Variants in MYO7B observed in about 807,000 individuals in gnomAD.
MYO7B encodes the protein myosin VIIB, also known as unconventional myosin-VIIb.
In MYO7B, 212 loss-of-function variants were observed where a neutral mutation model predicts 259.7. The observed-to-expected ratio is 0.82, with a 90% CI of 0.73 to 0.91. MYO7B has a LOEUF of 0.91. Ranked by LOEUF, MYO7B falls within the 40% of genes least tolerant of loss-of-function variation. MYO7B has a pLI of 0.00. For synonymous variants in MYO7B, 1,197 were observed against 1,166.4 expected, an observed-to-expected ratio of 1.03 and a Z score of -0.54; for missense variants, 2,732 against 2,813.5, an observed-to-expected ratio of 0.97 and a Z score of 0.66.
chr2:127,588,354 C>T, intron 14 of MYO7B, 38 bp from the exon 15 acceptor site: 1 of 1,605,692 alleles, frequency 6.2e-7, no homozygotes, highest in South Asian at 1.1e-5. Context: ...GCAGTGATGG[C>T]TAAGCTGGGA....
Position 127,636,163 on chromosome 2 carries a change from G to T in MYO7B, c.6007-45G>T. ...GTGCTGCCCCCACCAGGGCTTTGGA[G>T]GGCCTCTGGGCACCCAAGTCCTTAC... On this transcript the variant is annotated intron_variant, in intron 44 of 47. Coordinates refer to ENST00000409816, the MANE Select transcript of MYO7B (RefSeq NM_001393586.1). This position sits in a 1 kb window ranked among gnomAD's most constrained non-coding sequence, Gnocchi z 4.5. The T allele has an allele frequency of 6.6e-7, 1 of 1,507,510 alleles. No individual in the cohort carries two copies. The highest frequency in any genetic ancestry group is 9.2e-7 in the Non-Finnish European group (1 of 1,090,204). The allele number at this position is 1,507,510 out of a possible 1,614,324, so 93.4% of individuals were successfully genotyped here.
intron 30 of MYO7B, 44 bp downstream of exon 30, chr2:127,624,364 G>A: frequency 6.6e-7 from 1 of 1,523,746 alleles, no homozygotes. Context: ...TTTGCCATCA[G>A]GAAACATCCC....
chr2:127,627,450 G>T lies in MYO7B; in HGVS notation c.4460+140G>T. The T allele has an allele frequency of 8.5e-7, 1 of 1,180,066 alleles. No individual in the cohort carries two copies. Among genetic ancestry groups the T allele is most frequent in the Non-Finnish European group, 1.2e-6 (1 of 826,458 alleles). The allele number at this position is 1,180,066 out of a possible 1,614,324, so 73.1% of individuals were successfully genotyped here. ...TGGAGGGACAAGAATCTACGTATGC[G>T]ATGGCTTCTGTACTTCGGAGCCCCA... On this transcript the variant is annotated intron_variant, in intron 33 of 47. Coordinates refer to ENST00000409816, the MANE Select transcript of MYO7B (RefSeq NM_001393586.1). This position sits in a 1 kb window ranked among gnomAD's most constrained non-coding sequence, Gnocchi z 5.6.
chr2:127,582,341 A>G lies in MYO7B; in HGVS notation c.1238A>G (p.Lys413Arg). The change falls in exon 12 of 48, where the codon AAG becomes AGG. Residue 413 changes from lysine to arginine, a missense_variant. Transcript: ENST00000409816. ...YGHLFLWIVK[K>R]INAAIFTPPA... Reference sequence around the variant, plus strand: ...CACCTCTTCCTGTGGATTGTCAAGAAGATCAATGCCGCCATCTTCACACCA... The same window carrying G: ...CACCTCTTCCTGTGGATTGTCAAGAGGATCAATGCCGCCATCTTCACACCA... 1 of 1,613,396 alleles carries G rather than the reference A, an allele frequency of 6.2e-7. No individual in the cohort carries two copies. Among genetic ancestry groups the G allele is most frequent in the Non-Finnish European group, 8.5e-7 (1 of 1,179,706 alleles).
intron 35 of MYO7B, 57 bp downstream of exon 35, chr2:127,629,883 T>C: frequency 6.9e-7 from 1 of 1,457,738 alleles, no homozygotes; most frequent in Non-Finnish European, 9.1e-7. Flanking sequence ...GGTGGAGCAG[T>C]CCTGGGATGC....
At position 127,625,376 on chromosome 2, in the gene MYO7B, G is replaced by GCTGGTT; in HGVS notation, c.4057_4062dup (p.Leu1353_Val1354dup). 6.3e-7 allele frequency: 1 copy of GCTGGTT among 1,580,086 alleles called. No homozygotes were observed. The highest frequency in any genetic ancestry group is 8.6e-7 in the Non-Finnish European group (1 of 1,163,792). The stretch of plus-strand genomic sequence containing the variant: ...TGCCCTGGGCTGTGCAGGAGGAAGA[G>GCTGGTT]CTGGTTGAGCTGCTGGCCCGGCACT... On this transcript the variant is annotated inframe_insertion, in exon 31 of 48. Transcript: ENST00000409816.
chr2:127,557,755 A>G (rs1414573474), intron 1 of MYO7B, among the ~76,000 whole-genome samples: 2 of 152,226 alleles, frequency 1.3e-5, no homozygotes, highest in Non-Finnish European at 2.9e-5. Context: ...ATAACACCCT[A>G]TTCAACAAAT....
intron 9 of MYO7B, among the ~76,000 whole-genome samples, chr2:127,580,165 AAAAG>A (rs1445933270): frequency 3.3e-5 from 5 of 152,222 alleles, no homozygotes; most frequent in Non-Finnish European, 5.9e-5. Flanking sequence ...TTCAGTTTAA[AAAAG>A]AAAAAAAGCA....
chr2:127,540,718 A>G (rs1436828205), intron 1 of MYO7B, among the ~76,000 whole-genome samples: 1 of 152,202 alleles, frequency 6.6e-6, no homozygotes, highest in African/African-American at 2.4e-5. Context: ...CTCAAGGACC[A>G]TCCCACAAAT....
At chr2:127,578,031 C>T (rs1420860153) in intron 8 of MYO7B, 102 bp from the exon 9 acceptor site, 1 of 1,398,602 alleles carries the variant, frequency 7.2e-7, no homozygotes, top group Non-Finnish European at 9.8e-7. Context: ...CTACGTGGTC[C>T]ACCCATTGCC....
At chr2:127,631,405 G>A (rs1386314830) in intron 37 of MYO7B, 42 bp downstream of exon 37, 1 of 1,581,978 alleles carries the variant, frequency 6.3e-7, no homozygotes, top group Non-Finnish European at 8.6e-7. Context: ...GTCAATGCCA[G>A]GGCAGAGGCA....
intron 1 of MYO7B, among the ~76,000 whole-genome samples, chr2:127,536,148 T>A (rs1692766098): frequency 6.6e-6 from 1 of 152,126 alleles, no homozygotes; most frequent in African/African-American, 2.4e-5. Context: ...TGAAGCCTCC[T>A]CACAGCTAGA....
chr2:127,566,102 C>T (rs1384040422), intron 4 of MYO7B, among the ~76,000 whole-genome samples: 1 of 152,186 alleles, frequency 6.6e-6, no homozygotes, highest in East Asian at 1.9e-4. Flanking sequence ...GAGGGCACGT[C>T]CTCTCCTTTC....
At chr2:127,561,784 C>T (rs968945770) in intron 2 of MYO7B, among the ~76,000 whole-genome samples, 1 of 152,222 alleles carries the variant, frequency 6.6e-6, no homozygotes, top group Admixed American at 6.5e-5. Flanking sequence ...TGTCTGACTT[C>T]ACTGGGGCTT....
In MYO7B at chr2:127,578,766, G is replaced by C. The variant is rs144693405; in HGVS notation, c.1003+480G>C. On this transcript the variant is annotated intron_variant, in intron 9 of 47. Coordinates refer to ENST00000409816, the MANE Select transcript of MYO7B (RefSeq NM_001393586.1). ...AAACACAACATCCAGCATGAAGCCA[G>C]GAAGAAATAGGAACAAGGAAATGAG... Among the ~76,000 whole-genome samples the C allele has an allele frequency of 2.6e-3, 395 of 152,192 alleles. 2 individuals are homozygous for C. The highest frequency in any genetic ancestry group is 9.1e-3 in the African/African-American group (377 of 41,508).
In MYO7B at chr2:127,546,858, A is replaced by G. The variant is rs1428447689; in HGVS notation, c.-24+11027A>G. Among the ~76,000 whole-genome samples the G allele has an allele frequency of 2.0e-5, 3 of 151,684 alleles. No individual in the cohort carries two copies. The East Asian group carries it at 5.8e-4, about 29-fold the overall frequency. ...TATTCACCCACCAATCTATCCACCC[A>G]TTCACTTACCCAATCCAACCATTAA... On this transcript the variant is annotated intron_variant, in intron 1 of 47. Transcript: ENST00000409816. The surrounding 1 kb of genome is among the most constrained non-coding windows in gnomAD (Gnocchi z 4.2).
In MYO7B at chr2:127,637,370, A is replaced by T; in HGVS notation, c.6382A>T (p.Met2128Leu). 1.3e-6 allele frequency: 2 copies of T among 1,588,506 alleles called. No individual in the cohort carries two copies. The highest frequency in any genetic ancestry group is 1.7e-6 in the Non-Finnish European group (2 of 1,167,622). ...ATATGTGCAGCAGCTCCTGAGTGCC[A>T]TGAACAAGCAGCGGGGCTCCAAGGC... ...TSYVQQLLSA[M>L]NKQRGSKAPA... Residue 2128 changes from methionine (M) to leucine (L), a missense_variant, in exon 48 of 48, where the codon ATG becomes TTG. Around this residue, in one of 3 missense-constraint regions of MYO7B, gnomAD observed 821 missense variants for 769.3 expected, o/e 1.07. Coordinates refer to ENST00000409816, the MANE Select transcript of MYO7B (RefSeq NM_001393586.1).
Position 127,613,263 on chromosome 2 carries a change from T to C in MYO7B, c.3398+660T>C, listed in dbSNP as rs1454285550. ...AGGTACCTAGGGGTCTGCTTATCTT[T>C]TCTTTCTTTTTTCTCTGTGTTCTTT... On this transcript the variant is annotated intron_variant, in intron 26 of 47. Coordinates refer to ENST00000409816, the MANE Select transcript of MYO7B (RefSeq NM_001393586.1). The surrounding 1 kb of genome is among the most constrained non-coding windows in gnomAD (Gnocchi z 4.3). Among the ~76,000 whole-genome samples, 1 of 152,228 alleles carries C rather than the reference T, an allele frequency of 6.6e-6. No homozygotes were observed. Among genetic ancestry groups the C allele is most frequent in the Non-Finnish European group, 1.5e-5 (1 of 68,042 alleles).
chr2:127,589,579 G>A (rs555706987), intron 15 of MYO7B, among the ~76,000 whole-genome samples: 18 of 145,490 alleles, frequency 1.2e-4, no homozygotes, highest in Admixed American at 1.1e-3. Context: ...TGGTGAGTAG[G>A]TGGATGGATG....
Sources: allele counts gnomAD v4.1 joint callset (sites outside exome capture counted in the v4.1 genomes callset), GRCh38; gene constraint gnomAD v4.1.1; regional missense constraint gnomAD v4.1.1; non-coding constraint Gnocchi (gnomAD v3.1); transcripts MANE v1.5; gene names NCBI Gene and HGNC (gene_info 2026-07-23, HGNC 2026-07-21).